ACTR3B: variants seen among roughly 807,000 people sequenced by gnomAD.
ACTR3B encodes the protein actin-related protein 3B.
A neutral mutation model predicts 59.0 loss-of-function variants in ACTR3B; 8 were observed. The ratio of observed to expected loss-of-function variants is 0.14; its 90% confidence interval spans 0.08 to 0.24. The LOEUF is 0.24. ACTR3B is among the 10% of genes least tolerant of loss of function. The pLI is 1.00. For synonymous variants in ACTR3B, 148 were observed against 197.9 expected (o/e 0.75, Z 2.12); for missense variants, 245 against 552.3 (o/e 0.44, Z 5.58).
chr7:152,832,302 C>T (rs1450781632), intron 9 of ACTR3B, among the ~76,000 whole-genome samples: 1 of 152,040 alleles, frequency 6.6e-6, no homozygotes, highest in African/African-American at 2.4e-5. Context: ...TGTTGAGTTG[C>T]AGTTGTAGGT....
intron 4 of ACTR3B, chr7:152,813,389 A>C (rs1590339697): frequency 6.6e-6 from 1 of 151,662 alleles, no homozygotes; most frequent in South Asian, 2.1e-4. Flanking sequence ...AAGTTTATTT[A>C]TTCTTTTTCT....
At chr7:152,843,930 T>A (rs1323548897) in intron 9 of ACTR3B, among the ~76,000 whole-genome samples, 1 of 152,178 alleles carries the variant, frequency 6.6e-6, no homozygotes, top group African/African-American at 2.4e-5. Flanking sequence ...TAGATGTGTG[T>A]GCATGTGGGA....
At chr7:152,806,795 G>A (rs2098253524) in intron 4 of ACTR3B, among the ~76,000 whole-genome samples, 1 of 152,202 alleles carries the variant, frequency 6.6e-6, no homozygotes, top group Non-Finnish European at 1.5e-5. Flanking sequence ...GGAAGTCTGG[G>A]AAATGCTTTT....
chr7:152,848,358 C>T (rs1482763164), intron 9 of ACTR3B, among the ~76,000 whole-genome samples: 1 of 152,198 alleles, frequency 6.6e-6, no homozygotes, highest in East Asian at 1.9e-4. Context: ...GAGACCAAGG[C>T]TGCAGCATTC....
intron 2 of ACTR3B, among the ~76,000 whole-genome samples, chr7:152,786,660 G>A (rs946951644): frequency 2.6e-5 from 4 of 150,966 alleles, no homozygotes; most frequent in Admixed American, 2.0e-4. Flanking sequence ...CTCTGTATCA[G>A]AGTAAATGAA....
Position 152,826,153 on chromosome 7 carries a change from A to G in ACTR3B, c.951+1031A>G, listed in dbSNP as rs555474939. Among the ~76,000 whole-genome samples the G allele has an allele frequency of 3.9e-5, 6 of 152,364 alleles. No individual in the cohort carries two copies. In the East Asian group the frequency reaches 1.2e-3, roughly 29 times the overall value. On this transcript the variant is annotated intron_variant, in intron 9 of 11. Coordinates refer to ENST00000256001, the MANE Select transcript of ACTR3B (RefSeq NM_020445.6). ...CAGCATTGCGTCACCTGTGCCGTGGAATACTATGTAGCTTTTTAAAAGAAT... is the reference window on the plus strand; with the variant it reads ...CAGCATTGCGTCACCTGTGCCGTGGGATACTATGTAGCTTTTTAAAAGAAT...
At chr7:152,852,445 C>T (rs561186926) in intron 10 of ACTR3B, among the ~76,000 whole-genome samples, 194 bp downstream of exon 10, 1 of 152,314 alleles carries the variant, frequency 6.6e-6, no homozygotes, top group South Asian at 2.1e-4. Context: ...GTAGTTCAGA[C>T]TGATGGTCCT....
At position 152,766,382 on chromosome 7, in the gene ACTR3B, G is replaced by A. The variant is rs2948954; in HGVS notation, c.44+6456G>A. Reference sequence around the variant, plus strand: ...CATGCAGGCACCCTGTGCATAGCACGTGCCGGAATTCCAGAGTCCCAGAAG... The same window carrying A: ...CATGCAGGCACCCTGTGCATAGCACATGCCGGAATTCCAGAGTCCCAGAAG... On this transcript the variant is annotated intron_variant, in intron 1 of 11. Transcript: ENST00000256001. Among the ~76,000 whole-genome samples, 2 of 152,110 alleles carry A rather than the reference G, an allele frequency of 1.3e-5. 1 individual carries two copies. Among genetic ancestry groups the A allele is most frequent in the Admixed American group, 1.3e-4 (2 of 15,292 alleles).
chr7:152,847,968 A>G (rs1214185429), intron 9 of ACTR3B, among the ~76,000 whole-genome samples: 1 of 152,238 alleles, frequency 6.6e-6, no homozygotes, highest in Non-Finnish European at 1.5e-5. Flanking sequence ...TTGTGAGTGA[A>G]TACTGAAGGA....
intron 4 of ACTR3B, among the ~76,000 whole-genome samples, chr7:152,808,578 A>G (rs1282042519): frequency 5.9e-5 from 9 of 152,218 alleles, no homozygotes; most frequent in Non-Finnish European, 1.3e-4. Flanking sequence ...TTAAATAGGC[A>G]GCTCTTTGCT....
chr7:152,842,296 T>A (rs1279578674), intron 9 of ACTR3B, among the ~76,000 whole-genome samples: 2 of 151,936 alleles, frequency 1.3e-5, no homozygotes, highest in Non-Finnish European at 2.9e-5. Flanking sequence ...GTTATAACAG[T>A]GTGTTATACT....
chr7:152,838,684 T>C (rs1743612930), intron 9 of ACTR3B, among the ~76,000 whole-genome samples: 1 of 152,244 alleles, frequency 6.6e-6, no homozygotes, highest in South Asian at 2.1e-4. Flanking sequence ...AGTATAATAA[T>C]AATTTAAAAA....
At chr7:152,789,756 A>G (rs910151641) in intron 2 of ACTR3B, among the ~76,000 whole-genome samples, 1 of 152,088 alleles carries the variant, frequency 6.6e-6, no homozygotes, top group Non-Finnish European at 1.5e-5. Flanking sequence ...TGCAGACAGC[A>G]GGTGCTTTTT....
chr7:152,807,150 C>G (rs1188385521), intron 4 of ACTR3B, among the ~76,000 whole-genome samples: 1 of 152,060 alleles, frequency 6.6e-6, no homozygotes, highest in African/African-American at 2.4e-5. Context: ...TGCCCCACAG[C>G]CATAACTCGG....
In ACTR3B at chr7:152,854,622, G is replaced by T. The variant is rs1590496173; in HGVS notation, c.*69G>T. 2 of 1,520,108 alleles carry T rather than the reference G, an allele frequency of 1.3e-6. No individual in the cohort carries two copies. The highest frequency in any genetic ancestry group is 9.1e-7 in the Non-Finnish European group (1 of 1,098,856). The allele number at this position is 1,520,108 out of a possible 1,614,324, so 94.2% of individuals were successfully genotyped here. On this transcript the variant is annotated 3_prime_UTR_variant, in exon 12 of 12. Coordinates refer to ENST00000256001, the MANE Select transcript of ACTR3B (RefSeq NM_020445.6). This position sits in a 1 kb window ranked among gnomAD's most constrained non-coding sequence, Gnocchi z 4.9. ...AAGTGTCCTTCAGAACCCAGAGAAG[G>T]CCGCCGTTCTGTAAATAGCGACGTC...
At chr7:152,795,836 A>T (rs2098214415) in intron 2 of ACTR3B, among the ~76,000 whole-genome samples, 1 of 148,746 alleles carries the variant, frequency 6.7e-6, no homozygotes, top group South Asian at 2.1e-4. Flanking sequence ...AAGGCAACTT[A>T]GTAGCTCTTG....
chr7:152,771,697 A>T (rs1051010934), intron 1 of ACTR3B, among the ~76,000 whole-genome samples: 6 of 152,258 alleles, frequency 3.9e-5, no homozygotes, highest in Non-Finnish European at 8.8e-5. Context: ...ATGAAAGATC[A>T]TATAATATTA....
chr7:152,788,994 C>G (rs1425246925), intron 2 of ACTR3B, among the ~76,000 whole-genome samples: 1 of 152,140 alleles, frequency 6.6e-6, no homozygotes, highest in Non-Finnish European at 1.5e-5. Flanking sequence ...CGCACTCCAG[C>G]CTGGGCAGCA....
rs1450239318 is a variant in ACTR3B, at chr7:152,807,332, T to C, written c.336+5601T>C. On this transcript the variant is annotated intron_variant, in intron 4 of 11. Transcript: ENST00000256001. The stretch of plus-strand genomic sequence containing the variant: ...CTTTTTACCCATTTTTAAAATGATT[T>C]TACACCCAATATTATACTCCTCATT... Among the ~76,000 whole-genome samples the C allele has an allele frequency of 3.3e-5, 5 of 152,126 alleles. No homozygotes were observed. In the South Asian group the frequency reaches 8.3e-4, roughly 25 times the overall value.
Sources: gnomAD v4.1 joint callset for allele counts (sites outside exome capture counted in the v4.1 genomes callset) on GRCh38, gnomAD v4.1.1 for gene constraint, Gnocchi (gnomAD v3.1) non-coding constraint, MANE v1.5 for transcripts, NCBI Gene and HGNC (gene_info 2026-07-23, HGNC 2026-07-21) for gene names.